Variants in PLCG2 observed in about 807,000 individuals in gnomAD.
PLCG2 encodes phospholipase C gamma 2.
PLCG2 carries 69 observed loss-of-function variants against 175.6 expected under a neutral mutation model. That is an observed-to-expected ratio of 0.39 (90% CI 0.32 to 0.48). The LOEUF (loss-of-function observed/expected upper bound fraction) is 0.48. Ranked by LOEUF, PLCG2 falls within the 20% of genes least tolerant of loss-of-function variation. The pLI is 0.91. For synonymous variants in PLCG2, 827 were observed against 624.0 expected (o/e 1.33, Z -4.85); for missense variants, 1,798 against 1,650.9 (o/e 1.09, Z -1.54).
At chr16:81,842,781 C>CA (rs1905903868) in intron 2 of PLCG2, 1 of 151,892 alleles carries the variant, frequency 6.6e-6, no homozygotes, top group Admixed American at 6.6e-5. Flanking sequence ...GCCCGGCCAG[C>CA]AAAGGGGTCG....
chr16:81,942,726 C>T (rs1910996169), intron 30 of PLCG2, among the ~76,000 whole-genome samples: 1 of 152,124 alleles, frequency 6.6e-6, no homozygotes, highest in Non-Finnish European at 1.5e-5. Flanking sequence ...TGCTCAAGGT[C>T]ACACACCTGT....
At chr16:81,831,479 C>T (rs1427896484) in intron 2 of PLCG2, among the ~76,000 whole-genome samples, 5 of 152,202 alleles carry the variant, frequency 3.3e-5, no homozygotes, top group South Asian at 2.1e-4. Context: ...GTCAATGCCA[C>T]GAAACTGGCC....
chr16:81,905,179 G>A (rs1316520817), intron 14 of PLCG2, among the ~76,000 whole-genome samples: 10 of 152,320 alleles, frequency 6.6e-5, no homozygotes, highest in South Asian at 2.1e-4. Flanking sequence ...GAGCCACTGC[G>A]CCTGACCAGT....
chr16:81,939,848 G>A, intron 29 of PLCG2, 44 bp from the exon 30 acceptor site: 1 of 1,367,312 alleles, frequency 7.3e-7, no homozygotes, highest in Non-Finnish European at 1.0e-6. Flanking sequence ...ACCAGAAGGG[G>A]GCAGCTCCAA....
chr16:81,896,009 C>A (rs1908869822), intron 13 of PLCG2, 82 bp downstream of exon 13: 1 of 1,506,314 alleles, frequency 6.6e-7, no homozygotes, highest in East Asian at 2.3e-5. Context: ...GACAGGCAAA[C>A]ACACACAGAC....
chr16:81,931,106 G>C (rs1910484195), intron 24 of PLCG2, among the ~76,000 whole-genome samples: 1 of 150,924 alleles, frequency 6.6e-6, no homozygotes, highest in Non-Finnish European at 1.5e-5. Context: ...TTTAATGTTT[G>C]TTTTTTTTTC....
At chr16:81,788,795 A>T (rs573301486) in intron 2 of PLCG2, among the ~76,000 whole-genome samples, 1 of 152,212 alleles carries the variant, frequency 6.6e-6, no homozygotes, top group African/African-American at 2.4e-5. Context: ...GGAACTGCCC[A>T]TGTGGAGGTG....
At chr16:81,916,761 C>T (rs886885984) in intron 19 of PLCG2, among the ~76,000 whole-genome samples, 20 of 152,130 alleles carry the variant, frequency 1.3e-4, no homozygotes, top group Non-Finnish European at 2.4e-4. Context: ...CCTCAGGCTC[C>T]TGAGTAGCTG....
intron 2 of PLCG2, among the ~76,000 whole-genome samples, chr16:81,817,787 G>C (rs1319089680): frequency 1.3e-5 from 2 of 152,350 alleles, no homozygotes; most frequent in South Asian, 2.1e-4. Flanking sequence ...GCACTCGGTT[G>C]TGATTCTTTC....
chr16:81,866,587 A>G (rs58224015), intron 5 of PLCG2, among the ~76,000 whole-genome samples: 47 of 64,682 alleles, frequency 7.3e-4, no homozygotes, highest in Non-Finnish European at 7.9e-4. Context: ...CTTGCTCCCA[A>G]GATGAGCTCC....
chr16:81,776,272 C>G (rs143456344), upstream of PLCG2, among the ~76,000 whole-genome samples: 906 of 150,824 alleles, frequency 6.0e-3, 8 homozygotes, highest in African/African-American at 0.02. Context: ...CCAGGCCAGG[C>G]TAATGTTTTT....
chr16:81,897,910 G>A (rs1307902148), intron 13 of PLCG2: 4 of 453,252 alleles, frequency 8.8e-6, no homozygotes, highest in Non-Finnish European at 1.8e-5. Context: ...GTTGCTGTGA[G>A]ACAATGAAAT....
intron 5 of PLCG2, among the ~76,000 whole-genome samples, chr16:81,868,451 G>A (rs1052193182): frequency 6.6e-6 from 1 of 152,208 alleles, no homozygotes; most frequent in Non-Finnish European, 1.5e-5. Context: ...TCAGACTAGA[G>A]TCAAATTCAG....
chr16:81,810,975 C>T (rs952953703), intron 2 of PLCG2, among the ~76,000 whole-genome samples: 1 of 152,204 alleles, frequency 6.6e-6, no homozygotes, highest in African/African-American at 2.4e-5. Flanking sequence ...CAGGGAACAG[C>T]AGCGAAACTG....
At chr16:81,841,388 T>C (rs1905822030) in intron 2 of PLCG2, among the ~76,000 whole-genome samples, 1 of 151,910 alleles carries the variant, frequency 6.6e-6, no homozygotes, top group Non-Finnish European at 1.5e-5. Flanking sequence ...ACCCAGGCGC[T>C]TACTACCATG....
Position 81,937,759 on chromosome 16 carries a change from T to C in PLCG2, c.3054T>C (p.Asp1018=), listed in dbSNP as rs1555522458. ...QMVALNFQTA[D]KYMQMNHALF... is the part of the protein sequence containing the mutation. ...GCAGGCGTTCACTTTCCTTCCCAGA[T>C]AAGTACATGCAGATGAATCACGCAT... The change falls in exon 28 of 33, where the codon GAT becomes GAC. Residue 1018 remains aspartate (D), a splice_region_variant and synonymous_variant. Transcript: ENST00000564138. 1 of 1,612,668 alleles carries C rather than the reference T, an allele frequency of 6.2e-7. No homozygotes were observed. Among genetic ancestry groups the C allele is most frequent in the African/African-American group, 1.3e-5 (1 of 74,830 alleles).
chr16:81,921,127 A>T, intron 20 of PLCG2, 71 bp from the exon 21 acceptor site: 1 of 934,892 alleles, frequency 1.1e-6, no homozygotes, highest in East Asian at 2.4e-5. Flanking sequence ...GAAGCCTAGA[A>T]CCCTTGTTAT....
At chr16:81,868,695 C>A (rs965325184) in intron 5 of PLCG2, among the ~76,000 whole-genome samples, 1 of 152,206 alleles carries the variant, frequency 6.6e-6, no homozygotes, top group Non-Finnish European at 1.5e-5. Flanking sequence ...CATGTCAACA[C>A]CTATATTGGG....
At chr16:81,783,509 C>G (rs1048230912) in intron 1 of PLCG2, among the ~76,000 whole-genome samples, 2 of 152,314 alleles carry the variant, frequency 1.3e-5, no homozygotes, top group East Asian at 3.9e-4. Flanking sequence ...TGGCCAGATG[C>G]TGCCACAGGA....
Sources: allele counts gnomAD v4.1 joint callset (sites outside exome capture counted in the v4.1 genomes callset), GRCh38; gene constraint gnomAD v4.1.1; transcripts MANE v1.5; gene names NCBI Gene and HGNC (gene_info 2026-07-23, HGNC 2026-07-21).